BRWD3: variants seen among roughly 807,000 people sequenced by gnomAD.
BRWD3 encodes bromodomain and WD repeat domain containing 3.
A neutral mutation model predicts 149.7 loss-of-function variants in BRWD3; 10 were observed. The observed-to-expected ratio is 0.07, with a 90% confidence interval of 0.04 to 0.11. The LOEUF (loss-of-function observed/expected upper bound fraction) is 0.11. Ranked by LOEUF, BRWD3 falls within the 10% of genes least tolerant of loss-of-function variation. BRWD3 has a pLI of 1.00. For synonymous variants in BRWD3, 504 were observed against 456.7 expected, an observed-to-expected ratio of 1.10 and a Z score of -1.32; for missense variants, 940 against 1,373.2, an observed-to-expected ratio of 0.68 and a Z score of 4.99.
At chrX:80,691,566 A>G (rs906921185) in intron 30 of BRWD3, among the ~76,000 whole-genome samples, 2 of 111,959 alleles carry the variant, frequency 1.8e-5, no homozygotes, top group African/African-American at 6.5e-5. Flanking sequence ...TAGAGAATCA[A>G]AGTGATTCAA....
intron 6 of BRWD3, among the ~76,000 whole-genome samples, chrX:80,773,676 G>T (rs2073970820): frequency 9.0e-6 from 1 of 111,490 alleles, no homozygotes; most frequent in Non-Finnish European, 1.9e-5. Context: ...GAAATAGACG[G>T]TCTCCTCCTC....
At chrX:80,724,007 C>A (rs1424265529) in intron 15 of BRWD3, 131 bp from the exon 16 acceptor site, 5 of 734,830 alleles carry the variant, frequency 6.8e-6, no homozygotes, top group Non-Finnish European at 1.0e-5. Context: ...CTGGCTTCTG[C>A]AGCCAGAACC....
intron 6 of BRWD3, among the ~76,000 whole-genome samples, chrX:80,759,438 T>C (rs183786485): frequency 3.4e-4 from 38 of 112,055 alleles, no homozygotes; most frequent in African/African-American, 1.2e-3. Flanking sequence ...TTTAATTAAT[T>C]TGGGCCTCTT....
chrX:80,793,539 A>C (rs373782230), intron 5 of BRWD3, 83 bp downstream of exon 5: 2 of 995,469 alleles, frequency 2.0e-6, no homozygotes, highest in Non-Finnish European at 2.8e-6. Context: ...TTAGAAAAGC[A>C]TGGGAACATT....
At chrX:80,757,445 A>G (rs923773359) in intron 6 of BRWD3, among the ~76,000 whole-genome samples, 1 of 112,317 alleles carries the variant, frequency 8.9e-6, no homozygotes, top group African/African-American at 3.2e-5. Context: ...ACCATCAACT[A>G]ACTATAGTTT....
intron 4 of BRWD3, among the ~76,000 whole-genome samples, chrX:80,795,107 C>T (rs1261818874): frequency 9.0e-6 from 1 of 110,839 alleles, no homozygotes; most frequent in Non-Finnish European, 1.9e-5. Flanking sequence ...ACATTAGATA[C>T]CATATATAGA....
intron 6 of BRWD3, among the ~76,000 whole-genome samples, chrX:80,768,878 G>A (rs993924447): frequency 3.3e-4 from 36 of 109,510 alleles, no homozygotes; most frequent in African/African-American, 1.1e-3. Flanking sequence ...ATAAAGGGAA[G>A]GAGGAAGATC....
intron 6 of BRWD3, among the ~76,000 whole-genome samples, chrX:80,781,966 A>C (rs1478584024): frequency 1.8e-5 from 2 of 112,088 alleles, no homozygotes; most frequent in East Asian, 2.8e-4. Flanking sequence ...AATCCCGATC[A>C]AAATACCAAT....
chrX:80,771,333 C>A (rs757675894), intron 6 of BRWD3, among the ~76,000 whole-genome samples: 1 of 111,740 alleles, frequency 8.9e-6, no homozygotes, highest in African/African-American at 3.2e-5. Flanking sequence ...AGGCATCACA[C>A]TACCTGGCTT....
intron 18 of BRWD3, among the ~76,000 whole-genome samples, chrX:80,718,191 GTAAA>G (rs2073099284): frequency 9.0e-6 from 1 of 111,591 alleles, no homozygotes; most frequent in Admixed American, 9.5e-5. Flanking sequence ...GATTCAAAGT[GTAAA>G]TAAATATTTT....
At chrX:80,763,442 A>G (rs1293389761) in intron 6 of BRWD3, among the ~76,000 whole-genome samples, 1 of 111,920 alleles carries the variant, frequency 8.9e-6, no homozygotes, top group African/African-American at 3.2e-5. Flanking sequence ...AAACCTACCT[A>G]GAACATAAAT....
chrX:80,713,594 T>C (rs892276744), intron 20 of BRWD3, among the ~76,000 whole-genome samples: 3 of 109,686 alleles, frequency 2.7e-5, no homozygotes, highest in Non-Finnish European at 3.8e-5. Context: ...ACCAGAGACC[T>C]TTGTTCACTT....
At position 80,724,949 on chromosome X, in the gene BRWD3, C is replaced by T. The variant is rs1569261916; in HGVS notation, c.1505G>A (p.Arg502Gln). Residue 502 changes from arginine to glutamine, a missense_variant, in exon 15 of 41, where the codon CGG (arginine) becomes CAG (glutamine). Physicochemically the swap from Arg to Gln is conservative, Grantham distance 43 (BLOSUM62 1). Coordinates refer to ENST00000373275, the MANE Select transcript of BRWD3 (RefSeq NM_153252.5). ...IWDLDRGTKI[R>Q]NYFNMIEGQG... Reference sequence around the variant, plus strand: ...GTCTCTTACCATGTTAAAGTAATTCCGAATTTTGGTCCCCCGGTCAAGGTC... The same window carrying T: ...GTCTCTTACCATGTTAAAGTAATTCTGAATTTTGGTCCCCCGGTCAAGGTC... 1 of 1,209,928 alleles carries T rather than the reference C, an allele frequency of 8.3e-7. No homozygotes were observed. Among genetic ancestry groups the T allele is most frequent in the Non-Finnish European group, 1.1e-6 (1 of 894,404 alleles).
chrX:80,696,328 T>C (rs2072691994), intron 26 of BRWD3, among the ~76,000 whole-genome samples: 1 of 111,109 alleles, frequency 9.0e-6, no homozygotes, highest in South Asian at 3.7e-4. Context: ...ATTCCTATTA[T>C]TATTAACAGA....
At chrX:80,736,330 A>G in intron 8 of BRWD3, among the ~76,000 whole-genome samples, 1 of 111,945 alleles carries the variant, frequency 8.9e-6, no homozygotes, top group Non-Finnish European at 1.9e-5. Context: ...TTAGTTATAA[A>G]AAAATTACTT....
intron 4 of BRWD3, among the ~76,000 whole-genome samples, chrX:80,800,550 AAAATAC>A (rs1355547640): frequency 9.2e-6 from 1 of 108,553 alleles, no homozygotes; most frequent in African/African-American, 3.4e-5. Context: ...AAAAAAAAAA[AAAATAC>A]AAATACAAAT....
intron 4 of BRWD3, among the ~76,000 whole-genome samples, chrX:80,801,702 C>T (rs1269112510): frequency 9.1e-6 from 1 of 109,322 alleles, no homozygotes; most frequent in Non-Finnish European, 1.9e-5. Context: ...ATTACGTGGG[C>T]ATGGTGGTGC....
chrX:80,766,130 G>A (rs540861177), intron 6 of BRWD3, among the ~76,000 whole-genome samples: 25 of 111,530 alleles, frequency 2.2e-4, no homozygotes, highest in South Asian at 3.8e-4. Context: ...CAATGAATCC[G>A]GTGGGCTTTA....
chrX:80,760,293 CTG>C (rs1184696621), intron 6 of BRWD3, among the ~76,000 whole-genome samples: 1 of 111,522 alleles, frequency 9.0e-6, no homozygotes, highest in Non-Finnish European at 1.9e-5. Flanking sequence ...GCTTAATTTT[CTG>C]TGTTTTCTCA....
Sources: allele counts gnomAD v4.1 joint callset (sites outside exome capture counted in the v4.1 genomes callset), GRCh38; gene constraint gnomAD v4.1.1; transcripts MANE v1.5; gene names NCBI Gene and HGNC (gene_info 2026-07-23, HGNC 2026-07-21).